The following ELAVL2 variants were observed in gnomAD, a reference collection of about 807,000 sequenced individuals.
ELAVL2 encodes ELAV-like protein 2.
A neutral mutation model predicts 34.6 loss-of-function variants in ELAVL2; 4 were observed. That is an observed-to-expected ratio of 0.12 (90% CI 0.06 to 0.26). The LOEUF (loss-of-function observed/expected upper bound fraction) is 0.26, where lower values mean the gene tolerates loss of function less well. ELAVL2 is among the 10% of genes least tolerant of loss of function. The pLI, the probability that ELAVL2 is intolerant of heterozygous loss-of-function variation, is 1.00. For missense variants in ELAVL2, 432 were observed against 442.8 expected (o/e 0.98, Z 0.22); for synonymous variants, 193 against 154.8 (o/e 1.25, Z -1.83).
intron 5 of ELAVL2, among the ~76,000 whole-genome samples, chr9:23,700,840 G>A (rs890511622): frequency 1.3e-5 from 2 of 151,208 alleles, no homozygotes; most frequent in Non-Finnish European, 2.9e-5. Context: ...AACAGAAACA[G>A]CTTGACCTAA....
At chr9:23,724,021 T>C in intron 3 of ELAVL2, among the ~76,000 whole-genome samples, 1 of 152,228 alleles carries the variant, frequency 6.6e-6, no homozygotes. Context: ...TCATAAAACC[T>C]GACATTCTCC....
At position 23,822,675 on chromosome 9, in the gene ELAVL2, AC is replaced by A. The variant is rs534095069; in HGVS notation, c.-16+3130del. ...TGCTCGGCCGCTTAATTACGAGAGC[AC>A]CTGTAGTTGGGATTTTTTTCATTGC... On this transcript the variant is annotated intron_variant, in intron 1 of 6. Coordinates refer to ENST00000397312, the MANE Select transcript of ELAVL2 (RefSeq NM_004432.5). Among the ~76,000 whole-genome samples, 26 of 152,296 alleles carry A rather than the reference AC, an allele frequency of 1.7e-4. No homozygotes were observed. In the East Asian group the frequency reaches 4.3e-3, roughly 25 times the overall value.
intron 1 of ELAVL2, among the ~76,000 whole-genome samples, chr9:23,815,886 A>C: frequency 6.6e-6 from 1 of 152,182 alleles, no homozygotes; most frequent in East Asian, 1.9e-4. Context: ...ATTTTAAAAC[A>C]AACTATGAGA....
chr9:23,800,949 C>CT (rs1406349447), intron 1 of ELAVL2, among the ~76,000 whole-genome samples: 1 of 152,090 alleles, frequency 6.6e-6, no homozygotes, highest in Non-Finnish European at 1.5e-5. Flanking sequence ...AGCAAGGCAC[C>CT]TTATTTGAGG....
chr9:23,733,628 G>A (rs930842058), intron 2 of ELAVL2, among the ~76,000 whole-genome samples: 1 of 152,148 alleles, frequency 6.6e-6, no homozygotes, highest in South Asian at 2.1e-4. Flanking sequence ...GCCTCCTGAG[G>A]TCTGTCTGGG....
At chr9:23,702,975 A>AAAAAAAAAAAC (rs1563957664) in intron 4 of ELAVL2, among the ~76,000 whole-genome samples, 2 of 140,312 alleles carry the variant, frequency 1.4e-5, no homozygotes, top group Non-Finnish European at 3.1e-5. Flanking sequence ...AAAAAAAAAA[A>AAAAAAAAAAAC]AAAAAACAGC....
the ELAVL2 span, among the ~76,000 whole-genome samples, chr9:23,846,220 T>C: frequency 2.0e-5 from 3 of 151,918 alleles, no homozygotes; most frequent in Non-Finnish European, 4.4e-5. Context: ...TTTAAAACTT[T>C]TAATTTTCTA....
chr9:23,815,539 T>C (rs1422673790), intron 1 of ELAVL2, among the ~76,000 whole-genome samples: 1 of 152,176 alleles, frequency 6.6e-6, no homozygotes, highest in Non-Finnish European at 1.5e-5. Flanking sequence ...AATCAAGCAG[T>C]AACCACCTAC....
intron 3 of ELAVL2, among the ~76,000 whole-genome samples, chr9:23,726,038 C>A (rs917907655): frequency 2.0e-5 from 3 of 151,454 alleles, no homozygotes; most frequent in African/African-American, 7.3e-5. Flanking sequence ...AAATGTAGTT[C>A]TATATTCCTA....
chr9:23,731,815 CAAAA>C (rs1326856836), intron 2 of ELAVL2, among the ~76,000 whole-genome samples: 1 of 151,886 alleles, frequency 6.6e-6, no homozygotes, highest in Non-Finnish European at 1.5e-5. Context: ...AGAACATAAA[CAAAA>C]ATAACAGGAG....
chr9:23,742,343 GA>G (rs2049419724), intron 2 of ELAVL2, among the ~76,000 whole-genome samples: 1 of 152,192 alleles, frequency 6.6e-6, no homozygotes. Context: ...AGTAAATGGG[GA>G]AAAACTACTG....
At chr9:23,843,203 TA>T in the ELAVL2 span, among the ~76,000 whole-genome samples, 1 of 152,080 alleles carries the variant, frequency 6.6e-6, no homozygotes, top group East Asian at 1.9e-4. Context: ...AACTCACAAG[TA>T]AAATGAGTTC....
intron 2 of ELAVL2, among the ~76,000 whole-genome samples, chr9:23,737,108 A>C (rs1452515015): frequency 6.6e-6 from 1 of 152,128 alleles, no homozygotes; most frequent in Non-Finnish European, 1.5e-5. Flanking sequence ...TCTGGGGTCC[A>C]TTTGGATGCT....
chr9:23,748,833 G>A (rs948490863), intron 2 of ELAVL2, among the ~76,000 whole-genome samples: 2 of 152,080 alleles, frequency 1.3e-5, no homozygotes, highest in African/African-American at 4.8e-5. Flanking sequence ...AAAAAAACTA[G>A]TATCTCCTGA....
chr9:23,824,113 C>G (rs1175812275), intron 1 of ELAVL2, among the ~76,000 whole-genome samples: 1 of 152,170 alleles, frequency 6.6e-6, no homozygotes, highest in East Asian at 1.9e-4. Flanking sequence ...GGCTATTTCT[C>G]TCACCCTCGC....
At chr9:23,765,096 C>T (rs752829938) in intron 1 of ELAVL2, 3 of 1,597,054 alleles carry the variant, frequency 1.9e-6, no homozygotes, top group South Asian at 1.1e-5. Flanking sequence ...TTTGGAGTTG[C>T]CGTCTGCAAT....
chr9:23,692,136 A>G lies in ELAVL2; in HGVS notation c.*421T>C, dbSNP rs1025825899. 6.2e-6 allele frequency: 1 copy of G among 161,510 alleles called. No homozygotes were observed. Among genetic ancestry groups the G allele is most frequent in the African/African-American group, 2.4e-5 (1 of 41,586 alleles). The allele number at this position is 161,510 out of a possible 1,614,324, so 10.0% of individuals were successfully genotyped here. On this transcript the variant is annotated 3_prime_UTR_variant, in exon 7 of 7. Transcript: ENST00000397312. ...ATGCTTTAAATGTAAACCAAACACA[A>G]AGCTAATCAGAAAAAGGAAAAAAAG... is the stretch of plus-strand genomic sequence containing the variant.
chr9:23,806,710 T>C (rs572718032), intron 1 of ELAVL2, among the ~76,000 whole-genome samples: 2 of 152,268 alleles, frequency 1.3e-5, no homozygotes, highest in African/African-American at 4.8e-5. Flanking sequence ...GCTTCCAATG[T>C]AGTTGAAAGT....
At chr9:23,778,067 AG>A (rs1425042792) in intron 1 of ELAVL2, among the ~76,000 whole-genome samples, 12 of 152,210 alleles carry the variant, frequency 7.9e-5, no homozygotes, top group African/African-American at 2.9e-4. Context: ...TATGACCAGC[AG>A]GAAGAAAACA....
Sources: allele counts gnomAD v4.1 joint callset (sites outside exome capture counted in the v4.1 genomes callset), GRCh38; gene constraint gnomAD v4.1.1; transcripts MANE v1.5; gene names NCBI Gene and HGNC (gene_info 2026-07-23, HGNC 2026-07-21).